ADAMTS6: variants seen among roughly 807,000 people sequenced by gnomAD.
The protein encoded by ADAMTS6 is ADAM metallopeptidase with thrombospondin type 1 motif 6.
In ADAMTS6, 23 loss-of-function variants were observed where a neutral mutation model predicts 144.3. The observed-to-expected ratio is 0.16, with a 90% CI of 0.11 to 0.23. The LOEUF (loss-of-function observed/expected upper bound fraction) is 0.23, where lower values mean the gene tolerates loss of function less well. Ranked by LOEUF, ADAMTS6 falls within the 10% of genes least tolerant of loss-of-function variation. The probability of loss-of-function intolerance (pLI) is 1.00; values close to 1 mark genes in which losing one functional copy is unlikely to be tolerated. For missense variants in ADAMTS6, 999 were observed against 1,379.6 expected, an observed-to-expected ratio of 0.72 and a Z score of 4.37; for synonymous variants, 444 against 457.5, an observed-to-expected ratio of 0.97 and a Z score of 0.38.
chr5:65,407,281 G>A (rs562332692), intron 7 of ADAMTS6, among the ~76,000 whole-genome samples: 1 of 151,868 alleles, frequency 6.6e-6, no homozygotes, highest in Non-Finnish European at 1.5e-5. Flanking sequence ...ACTAACAGCA[G>A]ATCTCTCGGC....
At chr5:65,283,888 T>C (rs888668000) in intron 11 of ADAMTS6, among the ~76,000 whole-genome samples, 5 of 152,156 alleles carry the variant, frequency 3.3e-5, no homozygotes, top group Non-Finnish European at 7.4e-5. Context: ...TTACCAGCAA[T>C]CAAACTGTAA....
intron 7 of ADAMTS6, among the ~76,000 whole-genome samples, chr5:65,412,829 A>T (rs1288478370): frequency 6.6e-6 from 1 of 152,160 alleles, no homozygotes; most frequent in Non-Finnish European, 1.5e-5. Context: ...ATTGAAAACC[A>T]TAACTAATTC....
At chr5:65,231,226 G>C (rs1758219199) in intron 15 of ADAMTS6, among the ~76,000 whole-genome samples, 1 of 151,586 alleles carries the variant, frequency 6.6e-6, no homozygotes, top group Non-Finnish European at 1.5e-5. Context: ...AAAGAGAGCT[G>C]GGAGAGCTAT....
At chr5:65,234,289 T>C (rs1411000816) in intron 15 of ADAMTS6, among the ~76,000 whole-genome samples, 2 of 151,576 alleles carry the variant, frequency 1.3e-5, no homozygotes, top group Admixed American at 6.6e-5. Flanking sequence ...AGCGAGACTA[T>C]GTCAAACTAA....
intron 9 of ADAMTS6, among the ~76,000 whole-genome samples, chr5:65,327,109 A>G (rs1328356637): frequency 6.6e-6 from 1 of 152,090 alleles, no homozygotes; most frequent in African/African-American, 2.4e-5. Context: ...ATGAGTTCAC[A>G]TGAGAGCTGG....
chr5:65,386,331 A>C (rs1398168862), intron 7 of ADAMTS6, among the ~76,000 whole-genome samples: 1 of 152,098 alleles, frequency 6.6e-6, no homozygotes, highest in East Asian at 1.9e-4. Context: ...TGGATATTTA[A>C]GTTGCACCTG....
intron 7 of ADAMTS6, among the ~76,000 whole-genome samples, chr5:65,408,747 A>C (rs962344223): frequency 1.3e-5 from 2 of 152,218 alleles, no homozygotes; most frequent in Non-Finnish European, 2.9e-5. Flanking sequence ...ACATAGTTGG[A>C]AGTAAAGCAT....
Position 65,470,763 on chromosome 5 carries a change from A to G in ADAMTS6, c.462+15T>C, listed in dbSNP as rs186236970. Reference sequence around the variant, plus strand: ...ATTTTCCCATCAGAAGTTTAAAATTATAGCATCTACTTACCAACCCAACAC... The same window carrying G: ...ATTTTCCCATCAGAAGTTTAAAATTGTAGCATCTACTTACCAACCCAACAC... On this transcript the variant is annotated intron_variant, in intron 3 of 24. Coordinates refer to ENST00000381055, the MANE Select transcript of ADAMTS6 (RefSeq NM_197941.4). 2 of 1,530,674 alleles carry G rather than the reference A, an allele frequency of 1.3e-6. No homozygotes were observed. The highest frequency in any genetic ancestry group is 8.7e-7 in the Non-Finnish European group (1 of 1,152,458). 94.8% of individuals were successfully genotyped at this position (1,530,674 alleles called of 1,614,324 possible).
intron 7 of ADAMTS6, among the ~76,000 whole-genome samples, chr5:65,346,099 C>G: frequency 6.6e-6 from 1 of 151,746 alleles, no homozygotes; most frequent in Non-Finnish European, 1.5e-5. Flanking sequence ...CAAAGTTTTC[C>G]AAAAGATTGA....
intron 7 of ADAMTS6, among the ~76,000 whole-genome samples, chr5:65,397,023 A>G (rs1353648172): frequency 6.6e-6 from 1 of 152,230 alleles, no homozygotes; most frequent in Non-Finnish European, 1.5e-5. Context: ...AATAGCTAAA[A>G]GGTCTATTCA....
At chr5:65,181,907 G>T (rs1468229422) in intron 22 of ADAMTS6, among the ~76,000 whole-genome samples, 1 of 152,164 alleles carries the variant, frequency 6.6e-6, no homozygotes, top group Non-Finnish European at 1.5e-5. Context: ...TTAAAATCAT[G>T]TGTATGCATA....
intron 3 of ADAMTS6, among the ~76,000 whole-genome samples, chr5:65,469,868 C>T (rs1760302095): frequency 6.6e-6 from 1 of 152,104 alleles, no homozygotes; most frequent in Non-Finnish European, 1.5e-5. Flanking sequence ...GTTCCTTGAG[C>T]ATCAAAATGT....
intron 7 of ADAMTS6, among the ~76,000 whole-genome samples, chr5:65,407,869 A>C (rs1003631501): frequency 4.6e-5 from 7 of 152,220 alleles, no homozygotes; most frequent in African/African-American, 1.7e-4. Context: ...AAGAATTTTC[A>C]AACCAGAATT....
At chr5:65,429,719 T>C (rs1756846226) in intron 7 of ADAMTS6, among the ~76,000 whole-genome samples, 3 of 152,002 alleles carry the variant, frequency 2.0e-5, no homozygotes, top group Non-Finnish European at 4.4e-5. Context: ...AGTACAGCAT[T>C]AAAATTAAAT....
intron 7 of ADAMTS6, among the ~76,000 whole-genome samples, chr5:65,414,575 G>GAT (rs997545179): frequency 3.9e-5 from 6 of 152,102 alleles, no homozygotes; most frequent in Admixed American, 1.3e-4. Flanking sequence ...CTGTAAGAAG[G>GAT]ATATATATAA....
At chr5:65,168,553 C>A (rs1186125524) in intron 24 of ADAMTS6, among the ~76,000 whole-genome samples, 6 of 126,518 alleles carry the variant, frequency 4.7e-5, no homozygotes, top group Admixed American at 4.1e-4. Context: ...TCATATGGAA[C>A]CAAAAAAGAG....
chr5:65,371,995 A>G (rs1750976479), intron 7 of ADAMTS6, among the ~76,000 whole-genome samples: 1 of 152,100 alleles, frequency 6.6e-6, no homozygotes, highest in Non-Finnish European at 1.5e-5. Flanking sequence ...AGAATTTTCA[A>G]CCCCGAATTT....
At chr5:65,264,069 C>T (rs748657114) in intron 12 of ADAMTS6, among the ~76,000 whole-genome samples, 1 of 152,176 alleles carries the variant, frequency 6.6e-6, no homozygotes, top group African/African-American at 2.4e-5. Context: ...TTCTTCATCG[C>T]TATACTCTAG....
chr5:65,358,906 C>T lies in ADAMTS6; in HGVS notation c.1074-24821G>A, dbSNP rs200636438. Among the ~76,000 whole-genome samples, 4 of 152,114 alleles carry T rather than the reference C, an allele frequency of 2.6e-5. No homozygotes were observed. In the East Asian group the frequency reaches 7.7e-4, roughly 29 times the overall value. On this transcript the variant is annotated intron_variant, in intron 7 of 24. Coordinates refer to ENST00000381055, the MANE Select transcript of ADAMTS6 (RefSeq NM_197941.4). Reference sequence around the variant, plus strand: ...TGGATTAAAGGCTTAAACATAAGACCTGCAACCCTAAAACTACTAGAAAAA... The same window carrying T: ...TGGATTAAAGGCTTAAACATAAGACTTGCAACCCTAAAACTACTAGAAAAA...
Sources: allele counts gnomAD v4.1 joint callset (sites outside exome capture counted in the v4.1 genomes callset), GRCh38; gene constraint gnomAD v4.1.1; transcripts MANE v1.5; gene names NCBI Gene and HGNC (gene_info 2026-07-23, HGNC 2026-07-21).